The following FREM2 variants were observed in gnomAD, a reference collection of about 807,000 sequenced individuals.
The protein encoded by FREM2 is FRAS1 related extracellular matrix 2.
FREM2 carries 119 observed loss-of-function variants against 219.9 expected under a neutral mutation model. The ratio of observed to expected loss-of-function variants is 0.54; its 90% CI spans 0.47 to 0.63. FREM2 has a LOEUF of 0.63. Among genes scored for constraint, FREM2 ranks in the 30% least tolerant of loss-of-function variants. FREM2 has a pLI of 0.00. For synonymous variants in FREM2, 1,562 were observed against 1,522.8 expected, an observed-to-expected ratio of 1.03 and a Z score of -0.60; for missense variants, 4,030 against 3,993.6, an observed-to-expected ratio of 1.01 and a Z score of -0.25.
In FREM2 at chr13:38,861,445, C is replaced by A. The variant is rs1233519773; in HGVS notation, c.7534C>A (p.Arg2512Ser). 1.2e-6 allele frequency: 2 copies of A among 1,613,688 alleles called. No individual in the cohort carries two copies. Among genetic ancestry groups the A allele is most frequent in the South Asian group, 2.2e-5 (2 of 91,066 alleles). ...TTTTTTTCAAGGTCTTTGTCAGCCC[C>A]GTGTACCTGGGGTTGTTGGAGCAGA... ...ISREEGLCQP[R>S]VPGVVGAEPF... Residue 2512 changes from arginine to serine, a missense_variant, in exon 15 of 24, where the codon CGT becomes AGT. Physicochemically the swap from Arg to Ser is moderately radical, Grantham distance 110. Coordinates refer to ENST00000280481, the MANE Select transcript of FREM2 (RefSeq NM_207361.6).
chr13:38,754,395 A>G (rs1872897428), intron 2 of FREM2, among the ~76,000 whole-genome samples: 1 of 152,162 alleles, frequency 6.6e-6, no homozygotes, highest in Non-Finnish European at 1.5e-5. Context: ...AGTTAAGCAA[A>G]TTAGAATTAA....
At chr13:38,791,631 C>G (rs1874565401) in intron 6 of FREM2, among the ~76,000 whole-genome samples, 1 of 152,136 alleles carries the variant, frequency 6.6e-6, no homozygotes, top group Non-Finnish European at 1.5e-5. Flanking sequence ...ATAAAACCAT[C>G]AGCTCTGAGA....
At chr13:38,709,180 C>T (rs1345417000) in intron 2 of FREM2, among the ~76,000 whole-genome samples, 3 of 152,216 alleles carry the variant, frequency 2.0e-5, no homozygotes, top group Admixed American at 6.5e-5. Flanking sequence ...CTACTTCATG[C>T]ACACTCGCCT....
intron 6 of FREM2, among the ~76,000 whole-genome samples, chr13:38,800,915 C>A (rs899560227): frequency 6.6e-6 from 1 of 152,198 alleles, no homozygotes; most frequent in African/African-American, 2.4e-5. Context: ...TAGGCATGAG[C>A]CACCACACCC....
intron 6 of FREM2, among the ~76,000 whole-genome samples, chr13:38,838,890 C>T (rs1566161391): frequency 6.6e-6 from 1 of 152,086 alleles, no homozygotes; most frequent in East Asian, 1.9e-4. Context: ...AGCTTCCTTG[C>T]ATTGGGTTAG....
At chr13:38,745,997 C>T (rs1020634786) in intron 2 of FREM2, among the ~76,000 whole-genome samples, 4 of 152,064 alleles carry the variant, frequency 2.6e-5, no homozygotes, top group African/African-American at 7.2e-5. Flanking sequence ...GGATTTGATC[C>T]CATTTCTTAC....
At chr13:38,800,445 A>G (rs1022497566) in intron 6 of FREM2, among the ~76,000 whole-genome samples, 1 of 152,058 alleles carries the variant, frequency 6.6e-6, no homozygotes, top group African/African-American at 2.4e-5. Context: ...GAGTTCCTTT[A>G]TAGGTGACTA....
chr13:38,866,591 T>C (rs1414905074), intron 16 of FREM2, among the ~76,000 whole-genome samples: 2 of 144,956 alleles, frequency 1.4e-5, no homozygotes, highest in African/African-American at 5.2e-5. Flanking sequence ...TCGCTTGAAC[T>C]GGGAGGCGGA....
chr13:38,794,373 G>T (rs1874684691), intron 6 of FREM2, among the ~76,000 whole-genome samples: 1 of 152,120 alleles, frequency 6.6e-6, no homozygotes, highest in Non-Finnish European at 1.5e-5. Flanking sequence ...GCCTAACTCT[G>T]CACTATTCAG....
chr13:38,691,802 A>G lies in FREM2; in HGVS notation c.4458A>G (p.Gln1486=). 6.2e-7 allele frequency: 1 copy of G among 1,614,188 alleles called. No individual in the cohort carries two copies. Among genetic ancestry groups the G allele is most frequent in the Non-Finnish European group, 8.5e-7 (1 of 1,180,044 alleles). ...CCATCACGTCTTTCACTCAGCTGCA[A>G]CTGGCTGGAAACAAAATCTACTACA... ...GVSITSFTQL[Q]LAGNKIYYIH... is the part of the protein sequence containing the mutation. Residue 1486 remains glutamine, a synonymous_variant, in exon 1 of 24, where the codon CAA becomes CAG. Transcript: ENST00000280481.
At chr13:38,794,191 T>C (rs1874677706) in intron 6 of FREM2, among the ~76,000 whole-genome samples, 1 of 152,066 alleles carries the variant, frequency 6.6e-6, no homozygotes, top group Non-Finnish European at 1.5e-5. Flanking sequence ...TATGGATGGA[T>C]TTACACTAAT....
chr13:38,688,877 G>A lies in FREM2; in HGVS notation c.1533G>A (p.Glu511=), dbSNP rs750556359. ...CTCCCAAGAGCTTTACAGTGGCTGA[G>A]CTGGCAGCCGGCCAGGTGGTCTACC... ...SSAPKSFTVA[E]LAAGQVVYQH... Residue 511 remains glutamate, a synonymous_variant, in exon 1 of 24, where the codon GAG becomes GAA. Transcript: ENST00000280481. 6.2e-7 allele frequency: 1 copy of A among 1,613,342 alleles called. No homozygotes were observed. Among genetic ancestry groups the A allele is most frequent in the East Asian group, 2.2e-5 (1 of 44,838 alleles).
At chr13:38,792,207 G>A (rs1874590018) in intron 6 of FREM2, among the ~76,000 whole-genome samples, 1 of 152,110 alleles carries the variant, frequency 6.6e-6, no homozygotes, top group African/African-American at 2.4e-5. Context: ...AACTTAGCCG[G>A]GTGTGGTGGC....
At chr13:38,878,376 C>G in intron 22 of FREM2, 55 bp downstream of exon 22, 1 of 1,297,284 alleles carries the variant, frequency 7.7e-7, no homozygotes, top group Non-Finnish European at 1.1e-6. Flanking sequence ...GTTCAGCCTC[C>G]TTGTCTTATA....
At chr13:38,775,451 A>T (rs1176897959) in intron 4 of FREM2, among the ~76,000 whole-genome samples, 2 of 152,204 alleles carry the variant, frequency 1.3e-5, no homozygotes, top group Non-Finnish European at 2.9e-5. Context: ...CAAACAAAAA[A>T]TTTCAAACAC....
At chr13:38,712,650 T>TCTCA (rs1290434878) in intron 2 of FREM2, among the ~76,000 whole-genome samples, 59 of 149,072 alleles carry the variant, frequency 4.0e-4, no homozygotes, top group Non-Finnish European at 8.3e-4. Flanking sequence ...TTTCTCTCTC[T>TCTCA]CACACACACA....
intron 2 of FREM2, among the ~76,000 whole-genome samples, chr13:38,701,979 A>C (rs1213323354): frequency 6.6e-6 from 1 of 152,186 alleles, no homozygotes; most frequent in Non-Finnish European, 1.5e-5. Flanking sequence ...AACATTAAAT[A>C]AATGAATGGA....
At chr13:38,734,681 A>G (rs980752215) in intron 2 of FREM2, among the ~76,000 whole-genome samples, 1 of 151,266 alleles carries the variant, frequency 6.6e-6, no homozygotes, top group African/African-American at 2.4e-5. Flanking sequence ...CATTTTAATT[A>G]GCAGTAACTA....
chr13:38,780,568 TC>T (rs1395596647), intron 4 of FREM2, among the ~76,000 whole-genome samples: 1 of 152,124 alleles, frequency 6.6e-6, no homozygotes, highest in Non-Finnish European at 1.5e-5. Flanking sequence ...ATGGAAACCT[TC>T]CCCCCATCTC....
Sources: gnomAD v4.1 joint callset for allele counts (sites outside exome capture counted in the v4.1 genomes callset) on GRCh38, gnomAD v4.1.1 for gene constraint, MANE v1.5 for transcripts, NCBI Gene and HGNC (gene_info 2026-07-23, HGNC 2026-07-21) for gene names.